The following MAP3K10 variants were observed in gnomAD, a reference collection of about 807,000 sequenced individuals.
The protein encoded by MAP3K10 is mitogen-activated protein kinase kinase kinase 10, also known as MKN28 derived nonreceptor_type serine/threonine kinase.
In MAP3K10, 22 loss-of-function variants were observed where a neutral mutation model predicts 75.0. The ratio of observed to expected loss-of-function variants is 0.29; its 90% CI spans 0.21 to 0.42. The LOEUF is 0.42. MAP3K10 is among the 10% of genes least tolerant of loss of function. The pLI, the probability that MAP3K10 is intolerant of heterozygous loss-of-function variation, is 1.00. For missense variants in MAP3K10, 1,165 were observed against 1,379.8 expected (o/e 0.84, Z 2.47); for synonymous variants, 599 against 612.9 (o/e 0.98, Z 0.34).
intron 2 of MAP3K10, among the ~76,000 whole-genome samples, chr19:40,201,621 T>TCCC (rs1973023675): frequency 6.6e-6 from 1 of 151,102 alleles, no homozygotes. Flanking sequence ...GCCTCTCTAG[T>TCCC]AGCTGGGACT....
Position 40,215,201 on chromosome 19 carries a change from C to A in MAP3K10, c.2774C>A (p.Pro925His), listed in dbSNP as rs899474772. The A allele has an allele frequency of 6.3e-7, 1 of 1,582,172 alleles. No individual in the cohort carries two copies. Among genetic ancestry groups the A allele is most frequent in the African/African-American group, 1.4e-5 (1 of 74,000 alleles). The stretch of plus-strand genomic sequence containing the variant: ...GACACTCCGGAGAGCCCTGGGCCCC[C>A]CAGCGTGCAGCCCACACTGCTGGAC... ...RPDTPESPGP[P>H]SVQPTLLDMD... The change falls in exon 10 of 10, where the codon CCC (proline) becomes CAC (histidine). Residue 925 changes from proline to histidine, a missense_variant. Around this residue, in one of 2 missense-constraint regions of MAP3K10, gnomAD observed 590 missense variants for 586.6 expected, o/e 1.01. Coordinates refer to ENST00000253055, the MANE Select transcript of MAP3K10 (RefSeq NM_002446.4).
At chr19:40,199,264 A>G (rs570206876) in intron 2 of MAP3K10, among the ~76,000 whole-genome samples, 2 of 152,182 alleles carry the variant, frequency 1.3e-5, no homozygotes, top group Non-Finnish European at 2.9e-5. Flanking sequence ...CCCTGCCCTC[A>G]GGAATAGTAA....
In MAP3K10 at chr19:40,215,169, C is replaced by T; in HGVS notation, c.2742C>T (p.Ser914=). ...FGRTLTISPP[S]RPDTPESPGP... ...GGACACTCACCATCTCGCCTCCCAGCAGGCCAGACACTCCGGAGAGCCCTG... is the reference window on the plus strand; with the variant it reads ...GGACACTCACCATCTCGCCTCCCAGTAGGCCAGACACTCCGGAGAGCCCTG... Residue 914 remains serine, a synonymous_variant, in exon 10 of 10, where the codon AGC becomes AGT. Coordinates refer to ENST00000253055, the MANE Select transcript of MAP3K10 (RefSeq NM_002446.4). 6.2e-7 allele frequency: 1 copy of T among 1,604,682 alleles called. No homozygotes were observed. The highest frequency in any genetic ancestry group is 8.5e-7 in the Non-Finnish European group (1 of 1,176,456).
intron 5 of MAP3K10, chr19:40,206,433 G>A: frequency 3.4e-6 from 1 of 290,264 alleles, no homozygotes; most frequent in Admixed American, 5.0e-5. Context: ...TTAATTAGCT[G>A]GCCACGTTGG....
chr19:40,191,871 GT>G lies in MAP3K10; in HGVS notation c.-153del, dbSNP rs1011108128. 10 of 455,712 alleles carry G rather than the reference GT, an allele frequency of 2.2e-5. No homozygotes were observed. The highest frequency in any genetic ancestry group is 1.0e-4 in the African/African-American group (5 of 48,316). The allele number at this position is 455,712 out of a possible 1,614,324, so 28.2% of individuals were successfully genotyped here. A position where few individuals can be genotyped will look rare whatever the true frequency, so the allele number is the denominator to read the frequency against. ...AGGGACGAGCCTGCCCTTTGAAAGGGTTTTTTTTCTTGCTCCTGCGGAGGGC... is the reference window on the plus strand; with the variant it reads ...AGGGACGAGCCTGCCCTTTGAAAGGGTTTTTTTCTTGCTCCTGCGGAGGGC... On this transcript the variant is annotated 5_prime_UTR_variant, in exon 1 of 10. Transcript: ENST00000253055.
Position 40,204,140 on chromosome 19 carries a change from T to G in MAP3K10, c.864-345T>G, listed in dbSNP as rs556970118. ...GGGAAGCCCAGGCAGGAGGATCACT[T>G]GAGCCCAGGAGTTTGAGACCAGCCT... On this transcript the variant is annotated intron_variant, in intron 2 of 9. Transcript: ENST00000253055. The surrounding 1 kb of genome is among the most constrained non-coding windows in gnomAD (Gnocchi z 4.3). Among the ~76,000 whole-genome samples the G allele has an allele frequency of 4.6e-5, 7 of 152,312 alleles. No homozygotes were observed. In the South Asian group the frequency reaches 1.0e-3, roughly 23 times the overall value.
At chr19:40,193,504 TGTG>T (rs2145065689) in intron 1 of MAP3K10, among the ~76,000 whole-genome samples, 1 of 152,330 alleles carries the variant, frequency 6.6e-6, no homozygotes, top group African/African-American at 2.4e-5. Flanking sequence ...AAGAGCTTCA[TGTG>T]GTGTCAACAA....
chr19:40,209,661 C>T (rs1394679852), intron 6 of MAP3K10, among the ~76,000 whole-genome samples: 1 of 151,996 alleles, frequency 6.6e-6, no homozygotes, highest in African/African-American at 2.4e-5. Context: ...GTGATCCACC[C>T]ACCTCAGCCT....
chr19:40,214,119 C>T lies in MAP3K10; in HGVS notation c.2440C>T (p.His814Tyr). The T allele has an allele frequency of 6.4e-7, 1 of 1,564,402 alleles. No homozygotes were observed. The highest frequency in any genetic ancestry group is 1.8e-5 in the Admixed American group (1 of 56,424). Reference protein sequence around the residue: ...KDPRQSLTPTHVTAACAVSRG... With the variant: ...KDPRQSLTPTYVTAACAVSRG... ...CCCCCGCCAGTCGCTCACGCCCACC[C>T]ACGTCACGGCTGCATGCGCTGTGAG... The change falls in exon 9 of 10, where the codon CAC (histidine) becomes TAC (tyrosine). Residue 814 changes from histidine (H) to tyrosine (Y), a missense_variant. Physicochemically the swap from His to Tyr is moderately conservative, Grantham distance 83. Around this residue, in one of 2 missense-constraint regions of MAP3K10, gnomAD observed 590 missense variants for 586.6 expected, o/e 1.01. Transcript: ENST00000253055.
Position 40,198,574 on chromosome 19 carries a change from G to A in MAP3K10, c.863+19G>A, listed in dbSNP as rs753340541. 26 of 1,597,344 alleles carry A rather than the reference G, an allele frequency of 1.6e-5. No individual in the cohort carries two copies. The highest frequency in any genetic ancestry group is 8.9e-5 in the South Asian group (8 of 89,410). On this transcript the variant is annotated intron_variant, in intron 2 of 9. Coordinates refer to ENST00000253055, the MANE Select transcript of MAP3K10 (RefSeq NM_002446.4). The surrounding 1 kb of genome is among the most constrained non-coding windows in gnomAD (Gnocchi z 4.3). ...TCTGGAGGTGCTGAAAGGCGCGGCC[G>A]GGATGGCCTCTGGGGAGTAAGGGAG...
chr19:40,214,010 A>ACCCCAC lies in MAP3K10; in HGVS notation c.2334_2335insCACCCC (p.Pro778_Ser779insHisPro). 1.4e-6 allele frequency: 1 copy of ACCCCAC among 726,374 alleles called. No individual in the cohort carries two copies. Among genetic ancestry groups the ACCCCAC allele is most frequent in the African/African-American group, 3.1e-5 (1 of 31,770 alleles). 45.0% of individuals were successfully genotyped at this position (726,374 alleles called of 1,614,324 possible). The stretch of plus-strand genomic sequence containing the variant: ...CCGCACCGGCCGCGCCCTCCCCACC[A>ACCCCAC]CCCTCCCCGCCCGCGCCCACACCCA... On this transcript the variant is annotated inframe_insertion, in exon 9 of 10. Coordinates refer to ENST00000253055, the MANE Select transcript of MAP3K10 (RefSeq NM_002446.4).
At position 40,198,360 on chromosome 19, in the gene MAP3K10, C is replaced by G; in HGVS notation, c.683-15C>G. The G allele has an allele frequency of 6.2e-7, 1 of 1,601,256 alleles. No homozygotes were observed. Among genetic ancestry groups the G allele is most frequent in the Non-Finnish European group, 8.5e-7 (1 of 1,172,068 alleles). ...GGCAGGTCTGGGGTGACCCACCTTT[C>G]TTCCCACCCCACAGTCCTGATCCTG... On this transcript the variant is annotated splice_polypyrimidine_tract_variant and intron_variant, in intron 1 of 9. Transcript: ENST00000253055. This position sits in a 1 kb window ranked among gnomAD's most constrained non-coding sequence, Gnocchi z 4.3.
Position 40,204,989 on chromosome 19 carries a change from C to A in MAP3K10, c.1013-132C>A. ...CCAGGAGCTTGGCTTTGAATCCCTTCCCCTCAGCTCCATAGCAGCTGTTTG... is the reference window on the plus strand; with the variant it reads ...CCAGGAGCTTGGCTTTGAATCCCTTACCCTCAGCTCCATAGCAGCTGTTTG... On this transcript the variant is annotated intron_variant, in intron 3 of 9. Coordinates refer to ENST00000253055, the MANE Select transcript of MAP3K10 (RefSeq NM_002446.4). The surrounding 1 kb of genome is among the most constrained non-coding windows in gnomAD (Gnocchi z 4.3). The A allele has an allele frequency of 1.2e-6, 1 of 836,508 alleles. No individual in the cohort carries two copies. Among genetic ancestry groups the A allele is most frequent in the Admixed American group, 2.1e-5 (1 of 47,996 alleles). 51.8% of individuals were successfully genotyped at this position (836,508 alleles called of 1,614,324 possible).
In MAP3K10 at chr19:40,215,280, C is replaced by T. The variant is rs186666763; in HGVS notation, c.2853C>T (p.His951=). The T allele has an allele frequency of 5.3e-5, 82 of 1,546,470 alleles. No homozygotes were observed. The highest frequency in any genetic ancestry group is 4.9e-4 in the East Asian group (20 of 40,796). Residue 951 remains histidine, a synonymous_variant, in exon 10 of 10, where the codon CAC becomes CAT. Coordinates refer to ENST00000253055, the MANE Select transcript of MAP3K10 (RefSeq NM_002446.4). ...GCACAGTGCCCCTGTGCGGGGCCCA[C>T]GGCTCCCACTAAGGCCTGCCCACCA... ...QDSTVPLCGA[H]GSH
chr19:40,213,328 G>T lies in MAP3K10; in HGVS notation c.1837+140G>T. On this transcript the variant is annotated intron_variant, in intron 8 of 9. Transcript: ENST00000253055. This position sits in a 1 kb window ranked among gnomAD's most constrained non-coding sequence, Gnocchi z 5.7. Reference sequence around the variant, plus strand: ...GGGAAGGGAGATGGTGGCCCCTGGGGCGTGGGGGGTCATTTCCAGGGGCAG... The same window carrying T: ...GGGAAGGGAGATGGTGGCCCCTGGGTCGTGGGGGGTCATTTCCAGGGGCAG... The T allele has an allele frequency of 1.4e-6, 2 of 1,452,532 alleles. No individual in the cohort carries two copies. Among genetic ancestry groups the T allele is most frequent in the Non-Finnish European group, 1.8e-6 (2 of 1,107,186 alleles). The allele number at this position is 1,452,532 out of a possible 1,614,324, so 90.0% of individuals were successfully genotyped here.
At chr19:40,214,500 G>C (rs762579034) in intron 9 of MAP3K10, among the ~76,000 whole-genome samples, 1 of 152,152 alleles carries the variant, frequency 6.6e-6, no homozygotes, top group Non-Finnish European at 1.5e-5. Flanking sequence ...CCTAGACACT[G>C]TTCTCCTCCA....
At chr19:40,201,167 G>GTTTTTT (rs986113003) in intron 2 of MAP3K10, among the ~76,000 whole-genome samples, 63 of 146,792 alleles carry the variant, frequency 4.3e-4, no homozygotes, top group African/African-American at 1.5e-3. Flanking sequence ...GAGCTCCAGC[G>GTTTTTT]TTTTTTGTTT....
rs1424371938 is a variant in MAP3K10, at chr19:40,211,210, T to C, written c.1553-1595T>C. Among the ~76,000 whole-genome samples, 5 of 151,846 alleles carry C rather than the reference T, an allele frequency of 3.3e-5. No homozygotes were observed. The East Asian group carries it at 9.7e-4, about 29-fold the overall frequency. ...TGGGCTGCTTGTTAACCTGTTTGGC[T>C]GGAGCAGAGTGAATGGGAGGAGGAC... On this transcript the variant is annotated intron_variant, in intron 6 of 9. Coordinates refer to ENST00000253055, the MANE Select transcript of MAP3K10 (RefSeq NM_002446.4).
chr19:40,193,649 A>G (rs1298947574), intron 1 of MAP3K10, among the ~76,000 whole-genome samples: 1 of 152,194 alleles, frequency 6.6e-6, no homozygotes, highest in South Asian at 2.1e-4. Flanking sequence ...GCTGTGTGCC[A>G]GACCCTGTCC....
Sources: gnomAD v4.1 joint callset for allele counts (sites outside exome capture counted in the v4.1 genomes callset) on GRCh38, gnomAD v4.1.1 for gene constraint, gnomAD v4.1.1 regional missense constraint, Gnocchi (gnomAD v3.1) non-coding constraint, MANE v1.5 for transcripts, NCBI Gene and HGNC (gene_info 2026-07-23, HGNC 2026-07-21) for gene names.